Variants in C6orf118 observed in about 807,000 individuals in gnomAD.
The protein encoded by C6orf118 is uncharacterized protein C6orf118.
Under a neutral mutation model 50.2 loss-of-function variants are expected in C6orf118, and 50 were observed. That is an observed-to-expected ratio of 1.00 (90% CI 0.79 to 1.26). The LOEUF (loss-of-function observed/expected upper bound fraction) is 1.26, where lower values mean the gene tolerates loss of function less well. Ranked by LOEUF, C6orf118 falls within the 50% of genes most tolerant of loss-of-function variation. The probability of loss-of-function intolerance (pLI) is 0.00; values close to 1 mark genes in which losing one functional copy is unlikely to be tolerated. For synonymous variants in C6orf118, 239 were observed against 230.9 expected (o/e 1.03, Z -0.32); for missense variants, 641 against 578.7 (o/e 1.11, Z -1.10).
At chr6:165,301,520 A>G in intron 2 of C6orf118, 49 bp downstream of exon 2, 1 of 1,562,152 alleles carries the variant, frequency 6.4e-7, no homozygotes. Flanking sequence ...ACCGAGAGCT[A>G]TGCCCTGAGA....
chr6:165,281,476 C>G, intron 8 of C6orf118, 164 bp downstream of exon 8: 3 of 1,376,082 alleles, frequency 2.2e-6, no homozygotes, highest in Non-Finnish European at 2.8e-6. Context: ...GATGTCAATA[C>G]TTACTCCTGC....
chr6:165,290,129 A>T, intron 6 of C6orf118, 62 bp from the exon 7 acceptor site: 1 of 938,894 alleles, frequency 1.1e-6, no homozygotes, highest in South Asian at 1.6e-5. Context: ...TATTAATAGC[A>T]TTATGTATTA....
chr6:165,306,317 A>C, intron 1 of C6orf118, among the ~76,000 whole-genome samples: 1 of 62,814 alleles, frequency 1.6e-5, no homozygotes, highest in Admixed American at 2.0e-4. Flanking sequence ...CACTCTGGGG[A>C]CTGTGGTGGG....
In C6orf118 at chr6:165,301,909, A is replaced by G; in HGVS notation, c.413T>C (p.Leu138Pro). Residue 138 changes from leucine to proline, a missense_variant, in exon 2 of 9, where the codon CTT becomes CCT. By Grantham distance (98) the Leu-to-Pro change is moderately conservative. Coordinates refer to ENST00000230301, the MANE Select transcript of C6orf118 (RefSeq NM_144980.4). ...GAAATCCTCCTCTGAAGTGTGGGAAAGAGAGGCCTGGGGGTTCAGGTACCT... is the reference window on the plus strand; with the variant it reads ...GAAATCCTCCTCTGAAGTGTGGGAAGGAGAGGCCTGGGGGTTCAGGTACCT... ...LFRYLNPQAS[L>P]SHTSEEDFLP... is the part of the protein sequence containing the mutation. 6.2e-7 allele frequency: 1 copy of G among 1,613,872 alleles called. No homozygotes were observed. The highest frequency in any genetic ancestry group is 1.7e-5 in the Admixed American group (1 of 60,024).
At chr6:165,300,665 C>T (rs1477770196) in intron 2 of C6orf118, among the ~76,000 whole-genome samples, 179 bp from the exon 3 acceptor site, 2 of 151,920 alleles carry the variant, frequency 1.3e-5, no homozygotes, top group Non-Finnish European at 2.9e-5. Context: ...TCTTTGTTTC[C>T]CTGGTCACCC....
intron 6 of C6orf118, among the ~76,000 whole-genome samples, chr6:165,290,503 G>A (rs1780070861): frequency 6.6e-6 from 1 of 152,106 alleles, no homozygotes; most frequent in South Asian, 2.1e-4. Context: ...GAAATACAAA[G>A]GATAAAGAGA....
chr6:165,287,935 A>T (rs1779968704), intron 7 of C6orf118, among the ~76,000 whole-genome samples: 2 of 152,202 alleles, frequency 1.3e-5, no homozygotes, highest in African/African-American at 4.8e-5. Context: ...TGACAATGGG[A>T]TCTAATTAAA....
At chr6:165,307,834 G>C (rs1780800863) in intron 1 of C6orf118, among the ~76,000 whole-genome samples, 1 of 152,198 alleles carries the variant, frequency 6.6e-6, no homozygotes, top group Non-Finnish European at 1.5e-5. Context: ...GTGGGGGTCT[G>C]TCCTCGAGTC....
chr6:165,281,445 C>A, intron 8 of C6orf118, 195 bp downstream of exon 8: 1 of 1,238,060 alleles, frequency 8.1e-7, no homozygotes, highest in Non-Finnish European at 1.0e-6. Flanking sequence ...CAGCATGATA[C>A]TGCTCTAGTT....
Position 165,293,969 on chromosome 6 carries a change from G to A in C6orf118, c.1062-498C>T, listed in dbSNP as rs574255270. Reference sequence around the variant, plus strand: ...AATTAAAAATAAAATACAAGAGGCCGGGCATGGTGGCTCATGCCTGTAATC... The same window carrying A: ...AATTAAAAATAAAATACAAGAGGCCAGGCATGGTGGCTCATGCCTGTAATC... On this transcript the variant is annotated intron_variant, in intron 5 of 8. Transcript: ENST00000230301. Among the ~76,000 whole-genome samples the A allele has an allele frequency of 1.5e-4, 23 of 152,190 alleles. No homozygotes were observed. The East Asian group carries it at 3.7e-3, about 24-fold the overall frequency.
Position 165,301,842 on chromosome 6 carries a change from T to C in C6orf118, c.480A>G (p.Lys160=). The part of the protein sequence containing the change: ...EAVREGKEEK[K]GGPPGRGPPG... ...GAGGGCCCCGTCCAGGAGGGCCTCC[T>C]TTCTTTTCTTCCTTCCCCTCTCTGA... Residue 160 remains lysine, a synonymous_variant, in exon 2 of 9, where the codon AAA becomes AAG. Coordinates refer to ENST00000230301, the MANE Select transcript of C6orf118 (RefSeq NM_144980.4). 1.2e-6 allele frequency: 2 copies of C among 1,613,922 alleles called. No individual in the cohort carries two copies. The highest frequency in any genetic ancestry group is 8.5e-7 in the Non-Finnish European group (1 of 1,180,002).
Position 165,301,624 on chromosome 6 carries a change from T to G in C6orf118, c.698A>C (p.Lys233Thr). 1 of 1,614,140 alleles carries G rather than the reference T, an allele frequency of 6.2e-7. No homozygotes were observed. The highest frequency in any genetic ancestry group is 8.5e-7 in the Non-Finnish European group (1 of 1,180,026). ...KEVLAKQDLL[K>T]NDFTGSKAAA... is the part of the protein sequence containing the mutation. Reference sequence around the variant, plus strand: ...CGCCTTGCTCCCAGTGAAGTCATTCTTCAGGAGATCTTGCTTGGCGAGCAC... The same window carrying G: ...CGCCTTGCTCCCAGTGAAGTCATTCGTCAGGAGATCTTGCTTGGCGAGCAC... Residue 233 changes from lysine (K) to threonine (T), a missense_variant, in exon 2 of 9, where the codon AAG becomes ACG. Lys to Thr is a moderately conservative substitution (Grantham distance 78). Coordinates refer to ENST00000230301, the MANE Select transcript of C6orf118 (RefSeq NM_144980.4).
At chr6:165,287,727 C>A (rs758880362) in intron 7 of C6orf118, among the ~76,000 whole-genome samples, 10 of 152,098 alleles carry the variant, frequency 6.6e-5, no homozygotes, top group Non-Finnish European at 1.5e-4. Context: ...AACTGGCTAG[C>A]CATATGCAGA....
chr6:165,301,680 C>A lies in C6orf118; in HGVS notation c.642G>T (p.Arg214Ser), dbSNP rs1329699754. 2 of 1,614,076 alleles carry A rather than the reference C, an allele frequency of 1.2e-6. No homozygotes were observed. The highest frequency in any genetic ancestry group is 2.7e-5 in the African/African-American group (2 of 74,914). Residue 214 changes from arginine to serine, a missense_variant, in exon 2 of 9, where the codon AGG becomes AGT. Arg to Ser is a moderately radical substitution (Grantham distance 110). Coordinates refer to ENST00000230301, the MANE Select transcript of C6orf118 (RefSeq NM_144980.4). The part of the protein sequence containing the change: ...SYLAGATSAD[R>S]YRMFLRFQKE... The stretch of plus-strand genomic sequence containing the variant: ...TCTGGAAACGCAGGAACATCCTGTA[C>A]CTGTCTGCGCTGGTGGCTCCGGCCA...
intron 5 of C6orf118, 120 bp from the exon 6 acceptor site, chr6:165,293,591 TA>T: frequency 1.4e-6 from 1 of 709,738 alleles, no homozygotes; most frequent in Admixed American, 2.5e-5. Context: ...TGCTTACTTT[TA>T]ACACGACAGA....
At chr6:165,286,598 C>A (rs1779911656) in intron 7 of C6orf118, among the ~76,000 whole-genome samples, 1 of 152,042 alleles carries the variant, frequency 6.6e-6, no homozygotes, top group African/African-American at 2.4e-5. Context: ...GTTGCCTTCA[C>A]CCCCAAGATG....
chr6:165,301,700 C>T lies in C6orf118; in HGVS notation c.622G>A (p.Gly208Arg), dbSNP rs376435891. The T allele has an allele frequency of 4.6e-5, 75 of 1,614,140 alleles. No homozygotes were observed. Among genetic ancestry groups the T allele is most frequent in the South Asian group, 2.9e-4 (26 of 91,080 alleles). The change falls in exon 2 of 9, where the codon GGA (glycine) becomes AGA (arginine). Residue 208 changes from glycine to arginine, a missense_variant. Coordinates refer to ENST00000230301, the MANE Select transcript of C6orf118 (RefSeq NM_144980.4). ...CTGTACCTGTCTGCGCTGGTGGCTCCGGCCAGGTAGGAGCTGACATAGTGG... is the reference window on the plus strand; with the variant it reads ...CTGTACCTGTCTGCGCTGGTGGCTCTGGCCAGGTAGGAGCTGACATAGTGG... The part of the protein sequence containing the change: ...RHHYVSSYLA[G>R]ATSADRYRMF...
intron 2 of C6orf118, among the ~76,000 whole-genome samples, chr6:165,300,771 AGG>A (rs1780499178): frequency 6.6e-6 from 1 of 151,660 alleles, no homozygotes; most frequent in Non-Finnish European, 1.5e-5. Context: ...CAGTCCCCAA[AGG>A]CCCTTTCTCT....
chr6:165,292,662 G>T (rs1780145164), intron 6 of C6orf118, among the ~76,000 whole-genome samples: 1 of 152,186 alleles, frequency 6.6e-6, no homozygotes, highest in Non-Finnish European at 1.5e-5. Flanking sequence ...AAGGAGGGAA[G>T]CAGGTGACCT....
Sources: gnomAD v4.1 joint callset for allele counts (sites outside exome capture counted in the v4.1 genomes callset) on GRCh38, gnomAD v4.1.1 for gene constraint, MANE v1.5 for transcripts, NCBI Gene and HGNC (gene_info 2026-07-23, HGNC 2026-07-21) for gene names.